The following SHISA9 variants were observed in gnomAD, a reference collection of about 807,000 sequenced individuals.
SHISA9 encodes the protein shisa family member 9.
A neutral mutation model predicts 38.0 loss-of-function variants in SHISA9; 13 were observed. That is an observed-to-expected ratio of 0.34 (90% CI 0.22 to 0.54). The LOEUF is 0.54. Among genes scored for constraint, SHISA9 ranks in the 20% least tolerant of loss-of-function variants. The pLI is 0.91. For synonymous variants in SHISA9, 275 were observed against 242.0 expected (o/e 1.14, Z -1.27); for missense variants, 538 against 575.8 (o/e 0.93, Z 0.67).
chr16:13,499,936 G>A, the SHISA9 span, among the ~76,000 whole-genome samples: 1 of 152,194 alleles, frequency 6.6e-6, no homozygotes, highest in South Asian at 2.1e-4. Context: ...CACACATGCA[G>A]CCCTCAGAGG....
At chr16:13,520,626 A>C in the SHISA9 span, among the ~76,000 whole-genome samples, 1 of 147,148 alleles carries the variant, frequency 6.8e-6, no homozygotes, top group South Asian at 2.2e-4. Context: ...AAAAAAAAAA[A>C]GTTATAGGGG....
At chr16:13,061,599 C>T (rs2073376723) in intron 2 of SHISA9, among the ~76,000 whole-genome samples, 1 of 152,086 alleles carries the variant, frequency 6.6e-6, no homozygotes, top group Non-Finnish European at 1.5e-5. Flanking sequence ...TATTGAGGAC[C>T]TAGTATATGC....
At chr16:13,475,840 G>A in the SHISA9 span, among the ~76,000 whole-genome samples, 1 of 152,142 alleles carries the variant, frequency 6.6e-6, no homozygotes, top group Non-Finnish European at 1.5e-5. Flanking sequence ...ATTTTCATAA[G>A]GAACAGGCAA....
intron 2 of SHISA9, among the ~76,000 whole-genome samples, chr16:13,136,231 C>T (rs949996545): frequency 2.6e-5 from 4 of 151,916 alleles, no homozygotes; most frequent in Non-Finnish European, 5.9e-5. Flanking sequence ...TTAACTTGGG[C>T]ACTTATAGGG....
rs1555453910 is a variant in SHISA9 at position 13,004,962 on chromosome 16, A to AAAAGAAAGAAAGAAAAGAAAAG, written c.691+88150_691+88151insGAAAGAAAGAAAAGAAAAGAAA. Among the ~76,000 whole-genome samples the AAAAGAAAGAAAGAAAAGAAAAG allele has an allele frequency of 3.4e-3, 435 of 127,658 alleles. 1 individual carries two copies. Among genetic ancestry groups the AAAAGAAAGAAAGAAAAGAAAAG allele is most frequent in the Non-Finnish European group, 5.7e-3 (361 of 63,846 alleles). The allele number at this position is 127,658 out of a possible 152,430, so 83.7% of individuals were successfully genotyped here. On this transcript the variant is annotated intron_variant, in intron 2 of 4. Transcript: ENST00000558583. ...GAAAAAGAAAAAAAAAAAAAAAGAA[A>AAAAGAAAGAAAGAAAAGAAAAG]AAAAGAAAGAAAGAAACAGAATCAG...
chr16:13,089,680 AT>A, intron 2 of SHISA9, among the ~76,000 whole-genome samples: 1 of 151,684 alleles, frequency 6.6e-6, no homozygotes, highest in South Asian at 2.1e-4. Context: ...CATCTATTTT[AT>A]TTTTCTCTCT....
At chr16:13,320,832 C>A in the SHISA9 span, among the ~76,000 whole-genome samples, 1 of 152,206 alleles carries the variant, frequency 6.6e-6, no homozygotes, top group East Asian at 1.9e-4. Context: ...GGCCACCCCC[C>A]TCTAGACCTC....
intron 2 of SHISA9, among the ~76,000 whole-genome samples, chr16:13,117,735 C>T (rs1222343377): frequency 6.6e-6 from 1 of 152,156 alleles, no homozygotes; most frequent in Non-Finnish European, 1.5e-5. Context: ...CTTCTGGCCT[C>T]CAGAACTGAG....
chr16:13,480,013 C>A, the SHISA9 span, among the ~76,000 whole-genome samples: 723 of 152,302 alleles, frequency 4.7e-3, 8 homozygotes, highest in African/African-American at 0.017. Flanking sequence ...TATTACTTAA[C>A]CTCTCTGTGC....
At chr16:13,220,229 A>T (rs1338261255) in intron 4 of SHISA9, among the ~76,000 whole-genome samples, 3 of 152,042 alleles carry the variant, frequency 2.0e-5, no homozygotes, top group Non-Finnish European at 2.9e-5. Context: ...AGTTGGCTGG[A>T]TGTTGGGTGA....
chr16:12,940,717 G>A (rs1206957341), intron 2 of SHISA9, among the ~76,000 whole-genome samples: 1 of 152,164 alleles, frequency 6.6e-6, no homozygotes. Flanking sequence ...TTGCGGCACT[G>A]AGCATTTGTT....
chr16:13,159,226 A>T (rs2050574969), intron 2 of SHISA9, among the ~76,000 whole-genome samples: 1 of 152,226 alleles, frequency 6.6e-6, no homozygotes, highest in Non-Finnish European at 1.5e-5. Context: ...TACATAAATT[A>T]ACATGAATTA....
the SHISA9 span, among the ~76,000 whole-genome samples, chr16:13,476,505 T>C: frequency 2.6e-5 from 4 of 152,126 alleles, no homozygotes; most frequent in Admixed American, 6.5e-5. Flanking sequence ...CCCTGGTGTT[T>C]GAGAGGATAT....
the SHISA9 span, among the ~76,000 whole-genome samples, chr16:13,553,112 T>C: frequency 3.0e-4 from 45 of 152,226 alleles, no homozygotes; most frequent in Middle Eastern, 3.4e-3. Context: ...AAAACACCCC[T>C]GACTGAGAAC....
At chr16:13,418,828 C>G in the SHISA9 span, among the ~76,000 whole-genome samples, 2 of 152,132 alleles carry the variant, frequency 1.3e-5, no homozygotes, top group Admixed American at 6.5e-5. Flanking sequence ...GCACTGATAC[C>G]CTCAGCCAGC....
At chr16:12,964,382 C>G (rs1482374569) in intron 2 of SHISA9, among the ~76,000 whole-genome samples, 1 of 142,388 alleles carries the variant, frequency 7.0e-6, no homozygotes, top group Non-Finnish European at 1.6e-5. Context: ...ATTGGACTTT[C>G]TGTTTTTTTT....
At chr16:13,174,202 C>G (rs2050712401) in intron 2 of SHISA9, among the ~76,000 whole-genome samples, 1 of 152,036 alleles carries the variant, frequency 6.6e-6, no homozygotes, top group Admixed American at 6.6e-5. Flanking sequence ...GGTTTGTTTT[C>G]TGGGTTTTAA....
At chr16:13,195,678 G>A (rs897609329) in intron 2 of SHISA9, among the ~76,000 whole-genome samples, 7 of 152,136 alleles carry the variant, frequency 4.6e-5, no homozygotes, top group African/African-American at 1.7e-4. Flanking sequence ...AACATCAATA[G>A]CGATGAGTCA....
the SHISA9 span, among the ~76,000 whole-genome samples, chr16:13,369,888 T>C: frequency 2.0e-5 from 3 of 152,194 alleles, no homozygotes; most frequent in East Asian, 1.9e-4. Flanking sequence ...CGCAGACCAA[T>C]TGAATCAGTA....
Sources: allele counts gnomAD v4.1 joint callset (sites outside exome capture counted in the v4.1 genomes callset), GRCh38; gene constraint gnomAD v4.1.1; transcripts MANE v1.5; gene names NCBI Gene and HGNC (gene_info 2026-07-23, HGNC 2026-07-21).